The following PIK3R1 variants were observed in gnomAD, a reference collection of about 807,000 sequenced individuals.
PIK3R1 encodes the protein phosphatidylinositol 3-kinase regulatory subunit alpha.
A neutral mutation model predicts 98.0 loss-of-function variants in PIK3R1; 29 were observed. That is an observed-to-expected ratio of 0.30 (90% CI 0.22 to 0.40). PIK3R1 has a LOEUF of 0.40. Ranked by LOEUF, PIK3R1 falls within the 10% of genes least tolerant of loss-of-function variation. PIK3R1 has a pLI of 1.00. For missense variants in PIK3R1, 596 were observed against 872.7 expected, an observed-to-expected ratio of 0.68 and a Z score of 3.99; for synonymous variants, 282 against 311.8, an observed-to-expected ratio of 0.90 and a Z score of 1.01.
At chr5:68,250,321 C>T (rs1745255435) in intron 2 of PIK3R1, among the ~76,000 whole-genome samples, 1 of 152,238 alleles carries the variant, frequency 6.6e-6, no homozygotes, top group African/African-American at 2.4e-5. Context: ...GAAACCCATG[C>T]ATTGCTCTCT....
In PIK3R1 at chr5:68,300,756, A is replaced by G. The variant is rs1405609126; in HGVS notation, c.*3155A>G. On this transcript the variant is annotated 3_prime_UTR_variant, in exon 16 of 16. Transcript: ENST00000521381. ...TCTAGTACAATTCTTACTTATGTGT[A>G]TGGGATTTTTCCCTTTGAGGTTGCT... is the stretch of plus-strand genomic sequence containing the variant. The G allele has an allele frequency of 4.3e-6, 1 of 233,186 alleles. No homozygotes were observed. The highest frequency in any genetic ancestry group is 8.5e-6 in the Non-Finnish European group (1 of 118,060). The allele number at this position is 233,186 out of a possible 1,614,324, so 14.4% of individuals were successfully genotyped here. A position where few individuals can be genotyped will look rare whatever the true frequency, so the allele number is the denominator to read the frequency against.
chr5:68,258,821 G>C (rs1745626076), intron 2 of PIK3R1, among the ~76,000 whole-genome samples: 1 of 152,188 alleles, frequency 6.6e-6, no homozygotes, highest in Non-Finnish European at 1.5e-5. Context: ...CAAGTTCCTA[G>C]TATTGCAGCA....
intron 8 of PIK3R1, chr5:68,292,749 G>A (rs375325897): frequency 4.7e-6 from 6 of 1,271,864 alleles, no homozygotes; most frequent in Non-Finnish European, 6.0e-6. Flanking sequence ...ACTCTTTTGA[G>A]ATCATGAGTT....
intron 2 of PIK3R1, among the ~76,000 whole-genome samples, chr5:68,237,731 A>C (rs939790635): frequency 3.3e-5 from 5 of 152,188 alleles, no homozygotes; most frequent in African/African-American, 9.7e-5. Context: ...GAAAAAAAAA[A>C]ATATTCTTAA....
intron 4 of PIK3R1, among the ~76,000 whole-genome samples, chr5:68,278,234 A>G (rs948940547): frequency 6.6e-5 from 10 of 152,108 alleles, no homozygotes; most frequent in Admixed American, 5.2e-4. Context: ...TTTACTGGAC[A>G]GGTATGCTCA....
rs1748087837 is a variant in PIK3R1 at position 68,301,450 on chromosome 5, AT to A, written c.*3850del. The A allele has an allele frequency of 1.5e-5, 2 of 129,104 alleles. No homozygotes were observed. The highest frequency in any genetic ancestry group is 4.7e-4 in the South Asian group (2 of 4,296). 8.0% of individuals were successfully genotyped at this position (129,104 alleles called of 1,614,324 possible). A position where few individuals can be genotyped will look rare whatever the true frequency, so the allele number is the denominator to read the frequency against. ...TATATATATGTGTGTGTATATATAT[AT>A]ATATGTGTATATATATATGTATATA... On this transcript the variant is annotated 3_prime_UTR_variant, in exon 16 of 16. Transcript: ENST00000521381.
At chr5:68,250,576 C>T (rs1226015655) in intron 2 of PIK3R1, among the ~76,000 whole-genome samples, 1 of 152,126 alleles carries the variant, frequency 6.6e-6, no homozygotes, top group African/African-American at 2.4e-5. Context: ...CAGTCATTGC[C>T]AATGTAGTCA....
chr5:68,288,442 T>G (rs1205721831), intron 7 of PIK3R1: 37 of 1,266,970 alleles, frequency 2.9e-5, no homozygotes, highest in Admixed American at 4.4e-5. Context: ...CCAGTTGGCT[T>G]CTCAATGAGG....
At chr5:68,216,425 G>A (rs1375369216) in intron 1 of PIK3R1, among the ~76,000 whole-genome samples, 1 of 152,334 alleles carries the variant, frequency 6.6e-6, no homozygotes, top group East Asian at 1.9e-4. Flanking sequence ...TGCAGCCAGG[G>A]TCGCTGCCCG....
At chr5:68,292,609 C>G in intron 8 of PIK3R1, 1 of 1,453,334 alleles carries the variant, frequency 6.9e-7, no homozygotes, top group African/African-American at 1.4e-5. Flanking sequence ...AGTGAAGTGG[C>G]ACTGCCTAAG....
chr5:68,275,186 T>C (rs1460168569), intron 4 of PIK3R1, among the ~76,000 whole-genome samples: 2 of 152,228 alleles, frequency 1.3e-5, no homozygotes, highest in African/African-American at 4.8e-5. Context: ...TGGAAATCAG[T>C]TGCATGCGAA....
At chr5:68,262,571 A>AT (rs1561277905) in intron 2 of PIK3R1, among the ~76,000 whole-genome samples, 4 of 146,914 alleles carry the variant, frequency 2.7e-5, no homozygotes, top group Non-Finnish European at 6.0e-5. Context: ...ATACACATGT[A>AT]CCTACATGTA....
intron 1 of PIK3R1, among the ~76,000 whole-genome samples, chr5:68,221,227 A>G (rs1744082065): frequency 6.6e-6 from 1 of 152,250 alleles, no homozygotes; most frequent in South Asian, 2.1e-4. Flanking sequence ...GAATTCCATT[A>G]TAACAACACA....
chr5:68,218,037 A>G (rs749220583), intron 1 of PIK3R1, among the ~76,000 whole-genome samples: 32 of 152,198 alleles, frequency 2.1e-4, no homozygotes, highest in Non-Finnish European at 4.3e-4. Context: ...CTTCCTATCC[A>G]TGATGCTGTA....
intron 15 of PIK3R1, among the ~76,000 whole-genome samples, chr5:68,297,166 C>T (rs999611751): frequency 2.0e-5 from 3 of 152,194 alleles, no homozygotes; most frequent in Admixed American, 6.5e-5. Context: ...CATTTCATTT[C>T]TCAAAGTAAC....
chr5:68,216,149 C>T (rs918468724), intron 1 of PIK3R1, among the ~76,000 whole-genome samples, 200 bp downstream of exon 1: 7 of 152,124 alleles, frequency 4.6e-5, no homozygotes, highest in African/African-American at 1.7e-4. Flanking sequence ...CCCCCGCGCG[C>T]GGCCGGCGTC....
At chr5:68,266,411 A>G (rs529987351) in intron 2 of PIK3R1, among the ~76,000 whole-genome samples, 5 of 152,148 alleles carry the variant, frequency 3.3e-5, no homozygotes, top group Non-Finnish European at 5.9e-5. Context: ...AGGGGCTCCT[A>G]TTGCTTTTCC....
intron 2 of PIK3R1, among the ~76,000 whole-genome samples, chr5:68,246,470 G>A (rs150365078): frequency 1.3e-5 from 2 of 152,010 alleles, no homozygotes; most frequent in Non-Finnish European, 2.9e-5. Flanking sequence ...CCGCCACCAC[G>A]CCCAGCTAAT....
chr5:68,219,030 G>A (rs765836966), intron 1 of PIK3R1, among the ~76,000 whole-genome samples: 1 of 152,110 alleles, frequency 6.6e-6, no homozygotes, highest in Non-Finnish European at 1.5e-5. Context: ...GGAGTTACTT[G>A]CTTAAAAGAG....
Sources: allele counts gnomAD v4.1 joint callset (sites outside exome capture counted in the v4.1 genomes callset), GRCh38; gene constraint gnomAD v4.1.1; transcripts MANE v1.5; gene names NCBI Gene and HGNC (gene_info 2026-07-23, HGNC 2026-07-21).